Variants in PFKFB3 observed in about 807,000 individuals in gnomAD.
The protein encoded by PFKFB3 is 6-phosphofructo-2-kinase/fructose-2,6-bisphosphatase 3.
PFKFB3 carries 33 observed loss-of-function variants against 68.0 expected under a neutral mutation model. That is an observed-to-expected ratio of 0.49 (90% confidence interval 0.37 to 0.65). PFKFB3 has a LOEUF of 0.65. Ranked by LOEUF, PFKFB3 falls within the 30% of genes least tolerant of loss-of-function variation. PFKFB3 has a pLI of 0.00. For missense variants in PFKFB3, 586 were observed against 712.2 expected, an observed-to-expected ratio of 0.82 and a Z score of 2.02; for synonymous variants, 315 against 288.2, an observed-to-expected ratio of 1.09 and a Z score of -0.94.
chr10:6,197,301 A>C (rs1047638913), intron 1 of PFKFB3, among the ~76,000 whole-genome samples: 1 of 152,166 alleles, frequency 6.6e-6, no homozygotes, highest in Admixed American at 6.5e-5. Flanking sequence ...CTATGTTTAG[A>C]TATACAAATA....
intron 1 of PFKFB3, among the ~76,000 whole-genome samples, chr10:6,178,194 G>A (rs533539914): frequency 1.4e-4 from 21 of 152,298 alleles, no homozygotes; most frequent in East Asian, 3.9e-4. Context: ...TCTGCCCAGC[G>A]TCTCTGCCCC....
intron 1 of PFKFB3, among the ~76,000 whole-genome samples, chr10:6,191,341 C>G (rs1843018451): frequency 6.6e-6 from 1 of 152,200 alleles, no homozygotes; most frequent in African/African-American, 2.4e-5. Flanking sequence ...CGTTGCGTGC[C>G]AAGGGTCTTG....
chr10:6,238,327 G>C (rs1158617076), downstream of PFKFB3, among the ~76,000 whole-genome samples: 1 of 151,618 alleles, frequency 6.6e-6, no homozygotes, highest in African/African-American at 2.4e-5. Context: ...ACTAAGCCCG[G>C]CTAAGTTTTA....
Position 6,215,152 on chromosome 10 carries a change from A to C in PFKFB3, c.203-69A>C. 1 of 1,347,578 alleles carries C rather than the reference A, an allele frequency of 7.4e-7. No homozygotes were observed. Among genetic ancestry groups the C allele is most frequent in the Non-Finnish European group, 1.1e-6 (1 of 941,726 alleles). 83.5% of individuals were successfully genotyped at this position (1,347,578 alleles called of 1,614,324 possible). The stretch of plus-strand genomic sequence containing the variant: ...GGTGGCTCTTCCTTTGGTCGATCCT[A>C]TGGTCCCGGTGTGAGCTGGCCCCTT... On this transcript the variant is annotated intron_variant, in intron 2 of 14. Coordinates refer to ENST00000379775, the MANE Select transcript of PFKFB3 (RefSeq NM_004566.4). The surrounding 1 kb of genome is among the most constrained non-coding windows in gnomAD (Gnocchi z 4.3).
intron 10 of PFKFB3, 27 bp from the exon 11 acceptor site, chr10:6,222,825 GCTC>G: frequency 6.3e-7 from 1 of 1,598,094 alleles, no homozygotes; most frequent in Non-Finnish European, 8.5e-7. Context: ...AGTGCCCTGA[GCTC>G]ACGTGGGCCC....
At chr10:6,182,488 G>T (rs1842743056) in intron 1 of PFKFB3, among the ~76,000 whole-genome samples, 1 of 152,216 alleles carries the variant, frequency 6.6e-6, no homozygotes, top group Non-Finnish European at 1.5e-5. Flanking sequence ...GGGAGAATGA[G>T]GGGCCTTTGA....
At position 6,216,114 on chromosome 10, in the gene PFKFB3, G is replaced by T. The variant is rs762111869; in HGVS notation, c.300-11G>T. ...GGCGCTGACATTCGGGCAATGTCTTGTGCATTCCAGGCAATGTGCCTTAGC... is the reference window on the plus strand; with the variant it reads ...GGCGCTGACATTCGGGCAATGTCTTTTGCATTCCAGGCAATGTGCCTTAGC... On this transcript the variant is annotated splice_polypyrimidine_tract_variant and intron_variant, in intron 3 of 14. Coordinates refer to ENST00000379775, the MANE Select transcript of PFKFB3 (RefSeq NM_004566.4). 4 of 1,613,648 alleles carry T rather than the reference G, an allele frequency of 2.5e-6. No individual in the cohort carries two copies.
chr10:6,234,821 T>G lies in PFKFB3; in HGVS notation c.*1879T>G, dbSNP rs1845938712. The G allele has an allele frequency of 6.6e-6, 1 of 152,220 alleles. No homozygotes were observed. 9.4% of individuals were successfully genotyped at this position (152,220 alleles called of 1,614,324 possible). On this transcript the variant is annotated 3_prime_UTR_variant, in exon 15 of 15. Coordinates refer to ENST00000379775, the MANE Select transcript of PFKFB3 (RefSeq NM_004566.4). ...ACAGATAGGGGCTTGATAGCTGTGG[T>G]CCCCTCTCCCCTCTGACTACCTAAA...
chr10:6,178,873 T>A (rs940286720), intron 1 of PFKFB3, among the ~76,000 whole-genome samples: 1 of 152,212 alleles, frequency 6.6e-6, no homozygotes, highest in Non-Finnish European at 1.5e-5. Context: ...GGTCCCTACC[T>A]TGGAGGCCTG....
intron 1 of PFKFB3, among the ~76,000 whole-genome samples, chr10:6,178,174 G>A (rs1842588010): frequency 1.3e-5 from 2 of 152,146 alleles, no homozygotes; most frequent in Admixed American, 1.3e-4. Context: ...TGGGGAGCTG[G>A]CGGGCTTTAT....
In PFKFB3 at chr10:6,210,430, G is replaced by A. The variant is rs1446500971; in HGVS notation, c.77-3193G>A. 1.1e-4 allele frequency among the ~76,000 whole-genome samples: 11 copies of A among 101,088 alleles called. 2 individuals carry two copies. Among genetic ancestry groups the A allele is most frequent in the East Asian group, 2.5e-4 (1 of 3,970 alleles). The allele number at this position is 101,088 out of a possible 152,430, so 66.3% of individuals were successfully genotyped here. A position where few individuals can be genotyped will look rare whatever the true frequency, so the allele number is the denominator to read the frequency against. On this transcript the variant is annotated intron_variant, in intron 1 of 14. Coordinates refer to ENST00000379775, the MANE Select transcript of PFKFB3 (RefSeq NM_004566.4). ...GGCTGGAGTGCAGTGGCGCTATCTC[G>A]GCTCACTGCAAGCTCCGCCTCCCGG...
At chr10:6,254,877 T>TCA, downstream of PFKFB3, among the ~76,000 whole-genome samples, 1 of 136,180 alleles carries the variant, frequency 7.3e-6, no homozygotes, top group East Asian at 2.4e-4. Flanking sequence ...GAGTGCAGTG[T>TCA]CACGATCTTG....
the PFKFB3 span, among the ~76,000 whole-genome samples, chr10:6,281,327 A>T: frequency 6.6e-6 from 1 of 151,482 alleles, no homozygotes; most frequent in Admixed American, 6.6e-5. Context: ...AGCCAGCCTG[A>T]CTCAGTTTAA....
chr10:6,286,957 AG>A, the PFKFB3 span, among the ~76,000 whole-genome samples: 1 of 152,204 alleles, frequency 6.6e-6, no homozygotes, highest in Non-Finnish European at 1.5e-5. Flanking sequence ...CAACTAATCT[AG>A]TTTTACTTGG....
chr10:6,276,800 G>T, the PFKFB3 span, among the ~76,000 whole-genome samples: 3 of 151,514 alleles, frequency 2.0e-5, no homozygotes, highest in African/African-American at 7.3e-5. Flanking sequence ...TTGAGATTGG[G>T]TCACAGAACC....
rs1301062980 is a variant in PFKFB3 at position 6,217,164 on chromosome 10, C to A, written c.471C>A (p.Asp157Glu). ...TTTTCATCGAGTCGGTGTGCGACGACCCTACAGTTGTGGCCTCCAATATCA... is the reference window on the plus strand; with the variant it reads ...TTTTCATCGAGTCGGTGTGCGACGAACCTACAGTTGTGGCCTCCAATATCA... ...KAFFIESVCD[D>E]PTVVASNIME... is the part of the protein sequence containing the mutation. The change falls in exon 6 of 15, where the codon GAC (aspartate) becomes GAA (glutamate). Residue 157 changes from aspartate to glutamate, a missense_variant. Physicochemically the swap from Asp to Glu is conservative, Grantham distance 45. Coordinates refer to ENST00000379775, the MANE Select transcript of PFKFB3 (RefSeq NM_004566.4). The A allele has an allele frequency of 1.9e-6, 3 of 1,614,160 alleles. No homozygotes were observed. The East Asian group carries it at 6.7e-5, about 36-fold the overall frequency.
chr10:6,300,449 G>T, the PFKFB3 span, among the ~76,000 whole-genome samples: 1 of 152,172 alleles, frequency 6.6e-6, no homozygotes, highest in Non-Finnish European at 1.5e-5. Flanking sequence ...ATCAGGGAAG[G>T]CTCCCCCATG....
At chr10:6,167,356 GTC>G (rs111504332) in intron 1 of PFKFB3, among the ~76,000 whole-genome samples, 44 of 152,372 alleles carry the variant, frequency 2.9e-4, no homozygotes, top group African/African-American at 1.0e-3. Context: ...CTGATACTGA[GTC>G]TGTAGTGAGG....
chr10:6,196,163 G>A (rs60962321), intron 1 of PFKFB3, among the ~76,000 whole-genome samples: 2,290 of 148,918 alleles, frequency 0.015, 56 homozygotes, highest in African/African-American at 0.053. Flanking sequence ...ATGGAGTCTC[G>A]CTCTGTCTCC....
Sources: gnomAD v4.1 joint callset for allele counts (sites outside exome capture counted in the v4.1 genomes callset) on GRCh38, gnomAD v4.1.1 for gene constraint, Gnocchi (gnomAD v3.1) non-coding constraint, MANE v1.5 for transcripts, NCBI Gene and HGNC (gene_info 2026-07-23, HGNC 2026-07-21) for gene names.